Variants in CLEC4E observed in about 807,000 individuals in gnomAD.
CLEC4E encodes the protein C-type (calcium dependent, carbohydrate-recognition domain) lectin, superfamily member 9.
CLEC4E carries 21 observed loss-of-function variants against 24.7 expected under a neutral mutation model. The ratio of observed to expected loss-of-function variants is 0.85; its 90% CI spans 0.60 to 1.22. The LOEUF (loss-of-function observed/expected upper bound fraction) is 1.22. Ranked by LOEUF, CLEC4E falls within the 50% of genes most tolerant of loss-of-function variation. The pLI, the probability that CLEC4E is intolerant of heterozygous loss-of-function variation, is 0.00. For synonymous variants in CLEC4E, 94 were observed against 85.7 expected, an observed-to-expected ratio of 1.10 and a Z score of -0.54; for missense variants, 249 against 254.1, an observed-to-expected ratio of 0.98 and a Z score of 0.14.
At position 8,539,893 on chromosome 12, in the gene CLEC4E, A is replaced by G. The variant is rs1940673849; in HGVS notation, c.92T>C (p.Ile31Thr). ...MFLWTVAGIPILFLSACFITR... is the reference protein window; with the variant it reads ...MFLWTVAGIPTLFLSACFITR... ...GATGAAACAGGCACTGAGAAATAGG[A>G]TGGGGATCCCAGCAACAGTCCATAA... The change falls in exon 2 of 6, where the codon ATC (isoleucine) becomes ACC (threonine). Residue 31 changes from isoleucine (I) to threonine (T), a missense_variant. Coordinates refer to ENST00000299663, the MANE Select transcript of CLEC4E (RefSeq NM_014358.4). 6.2e-7 allele frequency: 1 copy of G among 1,612,712 alleles called. No individual in the cohort carries two copies. Among genetic ancestry groups the G allele is most frequent in the African/African-American group, 1.3e-5 (1 of 74,916 alleles).
At chr12:8,540,042 TACTTCC>T in intron 1 of CLEC4E, 95 bp from the exon 2 acceptor site, 1 of 829,752 alleles carries the variant, frequency 1.2e-6, no homozygotes, top group Non-Finnish European at 2.1e-6. Flanking sequence ...TATTTCCTTC[TACTTCC>T]ATTGTTTGTA....
At chr12:8,540,003 G>T in intron 1 of CLEC4E, 56 bp from the exon 2 acceptor site, 1 of 1,051,080 alleles carries the variant, frequency 9.5e-7, no homozygotes, top group Non-Finnish European at 1.5e-6. Flanking sequence ...GTACAAAAGA[G>T]ATAGAAGAGA....
chr12:8,537,590 T>C (rs1330053005), intron 3 of CLEC4E, among the ~76,000 whole-genome samples: 2 of 152,202 alleles, frequency 1.3e-5, no homozygotes, highest in East Asian at 1.9e-4. Context: ...AATTTATGCA[T>C]TTTATTTGGG....
In CLEC4E at chr12:8,534,451, G is replaced by C. The variant is rs1233939332; in HGVS notation, c.*187C>G. ...GAAGAGGACCTGAGACTAACGTAGA[G>C]AGAAAATGCACTTCAGCCAGTAACA... On this transcript the variant is annotated 3_prime_UTR_variant, in exon 6 of 6. Transcript: ENST00000299663. The C allele has an allele frequency of 8.4e-6, 4 of 474,010 alleles. No individual in the cohort carries two copies. The highest frequency in any genetic ancestry group is 1.5e-5 in the Non-Finnish European group (4 of 268,150). 29.4% of individuals were successfully genotyped at this position (474,010 alleles called of 1,614,324 possible).
intron 4 of CLEC4E, 114 bp downstream of exon 4, chr12:8,537,001 A>G (rs906611258): frequency 2.2e-6 from 2 of 915,442 alleles, no homozygotes; most frequent in African/African-American, 3.4e-5. Flanking sequence ...AACAGCATGC[A>G]TTTTAGTACA....
intron 5 of CLEC4E, among the ~76,000 whole-genome samples, chr12:8,535,290 TAGCTA>T (rs143057806): frequency 0.018 from 2,682 of 152,320 alleles, 92 homozygotes; most frequent in African/African-American, 0.062. Flanking sequence ...AACTGCTCAT[TAGCTA>T]AGTCACTTAA....
chr12:8,535,171 T>A (rs1940595725), intron 5 of CLEC4E, among the ~76,000 whole-genome samples: 1 of 152,222 alleles, frequency 6.6e-6, no homozygotes, highest in Non-Finnish European at 1.5e-5. Context: ...TTAGCTCTCT[T>A]TATTCTGCAC....
chr12:8,537,463 G>T (rs990918491), intron 3 of CLEC4E, among the ~76,000 whole-genome samples, 197 bp from the exon 4 acceptor site: 1 of 152,170 alleles, frequency 6.6e-6, no homozygotes, highest in East Asian at 1.9e-4. Flanking sequence ...TCTTTTGAAC[G>T]TAATTCTCAT....
In CLEC4E at chr12:8,537,307, G is replaced by A. The variant is rs149835403; in HGVS notation, c.221-41C>T. The stretch of plus-strand genomic sequence containing the variant: ...TTTCAGTGAGTGTCCCAGGTGAACC[G>A]AATAAGAAAACCCAAAGCTTCATCT... On this transcript the variant is annotated intron_variant, in intron 3 of 5. Coordinates refer to ENST00000299663, the MANE Select transcript of CLEC4E (RefSeq NM_014358.4). 4,087 of 1,579,920 alleles carry A rather than the reference G, an allele frequency of 2.6e-3. 79 individuals are homozygous for A. The African/African-American group carries it at 0.046, about 18-fold the overall frequency.
At chr12:8,539,090 G>T (rs1038840981) in intron 3 of CLEC4E, 127 bp downstream of exon 3, 7 of 643,204 alleles carry the variant, frequency 1.1e-5, no homozygotes, top group East Asian at 2.7e-5. Context: ...CAAATTTCTA[G>T]GATTTTACAT....
intron 5 of CLEC4E, among the ~76,000 whole-genome samples, 170 bp from the exon 6 acceptor site, chr12:8,534,979 AGTT>A (rs1940594002): frequency 6.6e-6 from 1 of 152,244 alleles, no homozygotes; most frequent in South Asian, 2.1e-4. Context: ...AAGCTAAACT[AGTT>A]GTCGAAGTCA....
chr12:8,537,040 G>A lies in CLEC4E; in HGVS notation c.372+75C>T, dbSNP rs1940624801. On this transcript the variant is annotated intron_variant, in intron 4 of 5. Transcript: ENST00000299663. ...ATTAACAATAGTCATTGGGGGTCAA[G>A]CACTGTGCATATGTATGAAAAGAGA... The A allele has an allele frequency of 5.1e-6, 7 of 1,361,806 alleles. No homozygotes were observed. In the Admixed American group the frequency reaches 6.3e-5, roughly 12 times the overall value. The allele number at this position is 1,361,806 out of a possible 1,614,324, so 84.4% of individuals were successfully genotyped here. A position where few individuals can be genotyped will look rare whatever the true frequency, so the allele number is the denominator to read the frequency against.
Position 8,540,821 on chromosome 12 carries a change from G to A in CLEC4E, c.-24C>T. 1 of 1,467,800 alleles carries A rather than the reference G, an allele frequency of 6.8e-7. No homozygotes were observed. The highest frequency in any genetic ancestry group is 9.4e-7 in the Non-Finnish European group (1 of 1,068,348). 90.9% of individuals were successfully genotyped at this position (1,467,800 alleles called of 1,614,324 possible). A position where few individuals can be genotyped will look rare whatever the true frequency, so the allele number is the denominator to read the frequency against. ...ATTTTTTCTCTCTCTTTGGTTTTTT[G>A]TTTCTCTCTCTCTCTTTTTCTCTCC... On this transcript the variant is annotated 5_prime_UTR_variant, in exon 1 of 6. Transcript: ENST00000299663.
In CLEC4E at chr12:8,537,201, T is replaced by C. The variant is rs770189945; in HGVS notation, c.286A>G (p.Thr96Ala). 19 of 1,613,646 alleles carry C rather than the reference T, an allele frequency of 1.2e-5. No homozygotes were observed. Among genetic ancestry groups the C allele is most frequent in the Middle Eastern group, 1.6e-4 (1 of 6,082 alleles). The change falls in exon 4 of 6, where the codon ACT becomes GCT. Residue 96 changes from threonine (T) to alanine (A), a missense_variant. Transcript: ENST00000299663. Reference protein sequence around the residue: ...YFQSSCYFFSTDTISWALSLK... With the variant: ...YFQSSCYFFSADTISWALSLK... ...CTTAACGCCCAGGAAATGGTGTCAG[T>C]AGAAAAGAAGTAGCAGCTGGATTGA...
Position 8,534,761 on chromosome 12 carries a change from AC to A in CLEC4E, c.536del (p.Cys179LeufsTer4). ...EPNNIATLED[C>X]ATMRDSSNPR... ...GGTTTGAAGAGTCTCTCATGGTGGCACAGTCCTCCAGGGTAGCTATGTTGTT... is the reference window on the plus strand; with the variant it reads ...GGTTTGAAGAGTCTCTCATGGTGGCAAGTCCTCCAGGGTAGCTATGTTGTT... On this transcript the variant is annotated frameshift_variant, in exon 6 of 6. Coordinates refer to ENST00000299663, the MANE Select transcript of CLEC4E (RefSeq NM_014358.4). LOFTEE classifies it low-confidence loss of function (END_TRUNC). The A allele has an allele frequency of 6.2e-7, 1 of 1,614,164 alleles. No homozygotes were observed.
chr12:8,535,948 T>TG, intron 5 of CLEC4E, 142 bp downstream of exon 5: 1 of 467,270 alleles, frequency 2.1e-6, no homozygotes, highest in Non-Finnish European at 4.0e-6. Flanking sequence ...AGGAGAGAAG[T>TG]GGGTGCTTGT....
chr12:8,536,347 G>A (rs933678908), intron 4 of CLEC4E, 142 bp from the exon 5 acceptor site: 3 of 482,402 alleles, frequency 6.2e-6, no homozygotes, highest in Admixed American at 3.1e-5. Flanking sequence ...CCTGAGGTCA[G>A]GAGTTCAAGA....
intron 3 of CLEC4E, 71 bp downstream of exon 3, chr12:8,539,146 C>G: frequency 9.2e-7 from 1 of 1,088,128 alleles, no homozygotes; most frequent in Non-Finnish European, 1.4e-6. Context: ...TCTCACCTGT[C>G]CCAAAGTCAA....
chr12:8,540,323 C>A (rs1013291743), intron 1 of CLEC4E, among the ~76,000 whole-genome samples: 10 of 151,932 alleles, frequency 6.6e-5, no homozygotes, highest in Non-Finnish European at 1.0e-4. Context: ...TAAGGCCCCC[C>A]TTCTTTCTTT....
Sources: gnomAD v4.1 joint callset for allele counts (sites outside exome capture counted in the v4.1 genomes callset) on GRCh38, gnomAD v4.1.1 for gene constraint, MANE v1.5 for transcripts, NCBI Gene and HGNC (gene_info 2026-07-23, HGNC 2026-07-21) for gene names.